Variants in LRP1B observed in about 807,000 individuals in gnomAD.
LRP1B encodes LDL receptor related protein 1B, also known as low-density lipoprotein receptor-related protein 1B.
A neutral mutation model predicts 556.6 loss-of-function variants in LRP1B; 217 were observed. The observed-to-expected ratio is 0.39, with a 90% CI of 0.35 to 0.44. The LOEUF is 0.44. LRP1B is among the 20% of genes least tolerant of loss of function. The probability of loss-of-function intolerance (pLI) is 1.00; values close to 1 mark genes in which losing one functional copy is unlikely to be tolerated. For missense variants in LRP1B, 5,053 were observed against 5,620.8 expected (o/e 0.90, Z 3.23); for synonymous variants, 2,047 against 1,865.8 (o/e 1.10, Z -2.50).
At chr2:140,575,739 A>G (rs922418382) in intron 43 of LRP1B, among the ~76,000 whole-genome samples, 6 of 152,010 alleles carry the variant, frequency 3.9e-5, no homozygotes, top group Admixed American at 3.3e-4. Flanking sequence ...ATCCTGGCCA[A>G]CATAGTGAAA....
chr2:140,824,759 C>A (rs1691447221), intron 31 of LRP1B, among the ~76,000 whole-genome samples: 1 of 152,048 alleles, frequency 6.6e-6, no homozygotes. Context: ...TCCAGGTCAC[C>A]AAGTACGCAC....
At chr2:141,346,292 C>T (rs1317559714) in intron 3 of LRP1B, among the ~76,000 whole-genome samples, 1 of 151,900 alleles carries the variant, frequency 6.6e-6, no homozygotes, top group Non-Finnish European at 1.5e-5. Context: ...AAAAAAGCAA[C>T]CCGTTGGGTG....
At chr2:140,767,295 T>C (rs1024755254) in intron 35 of LRP1B, among the ~76,000 whole-genome samples, 1 of 152,128 alleles carries the variant, frequency 6.6e-6, no homozygotes. Flanking sequence ...ATAGCTTTTC[T>C]GAAAATAACT....
chr2:141,286,412 A>C (rs968486995), intron 3 of LRP1B, among the ~76,000 whole-genome samples: 5 of 152,110 alleles, frequency 3.3e-5, no homozygotes, highest in Non-Finnish European at 7.4e-5. Flanking sequence ...TGCCATTGTT[A>C]CTATTATTAA....
chr2:140,765,602 C>G (rs1337728855), intron 35 of LRP1B, among the ~76,000 whole-genome samples: 1 of 152,034 alleles, frequency 6.6e-6, no homozygotes. Context: ...GATAAAAATT[C>G]TTTGAACATT....
At chr2:141,919,645 A>G (rs1021027157) in intron 1 of LRP1B, among the ~76,000 whole-genome samples, 4 of 152,186 alleles carry the variant, frequency 2.6e-5, no homozygotes, top group South Asian at 4.1e-4. Context: ...TCTCACAGCA[A>G]TATTTTTTAA....
intron 3 of LRP1B, among the ~76,000 whole-genome samples, chr2:141,310,361 G>A (rs1272815834): frequency 1.3e-5 from 2 of 152,056 alleles, no homozygotes; most frequent in Non-Finnish European, 2.9e-5. Context: ...GCTTCATTTT[G>A]TCCCCTTGCA....
chr2:141,658,876 A>C (rs1690110113), intron 2 of LRP1B, among the ~76,000 whole-genome samples: 1 of 152,092 alleles, frequency 6.6e-6, no homozygotes, highest in Admixed American at 6.6e-5. Flanking sequence ...GCATCACTAC[A>C]TGGGTCCAAA....
At chr2:140,668,128 T>A (rs1029947947) in intron 41 of LRP1B, among the ~76,000 whole-genome samples, 1 of 151,740 alleles carries the variant, frequency 6.6e-6, no homozygotes, top group African/African-American at 2.4e-5. Context: ...CTGGCTAACA[T>A]GGTGAAACCC....
chr2:142,071,518 G>A (rs931934898), intron 1 of LRP1B, among the ~76,000 whole-genome samples: 2 of 152,004 alleles, frequency 1.3e-5, no homozygotes, highest in Non-Finnish European at 2.9e-5. Flanking sequence ...ATAATATATA[G>A]TAATATGTGG....
chr2:141,926,822 A>G (rs938648339), intron 1 of LRP1B, among the ~76,000 whole-genome samples: 1 of 152,140 alleles, frequency 6.6e-6, no homozygotes, highest in Non-Finnish European at 1.5e-5. Flanking sequence ...AACGTTGTCA[A>G]TACAAAGAGT....
chr2:141,994,022 T>G (rs1163929077), intron 1 of LRP1B, among the ~76,000 whole-genome samples: 3 of 152,204 alleles, frequency 2.0e-5, no homozygotes, highest in African/African-American at 7.2e-5. Flanking sequence ...TGACAACTGA[T>G]TTGTTATAAG....
chr2:141,826,234 T>G (rs549331607), intron 1 of LRP1B, among the ~76,000 whole-genome samples: 8 of 151,460 alleles, frequency 5.3e-5, no homozygotes, highest in Non-Finnish European at 1.0e-4. Flanking sequence ...TATTGTTCTG[T>G]ATATTCCCAT....
intron 1 of LRP1B, among the ~76,000 whole-genome samples, chr2:141,959,997 T>C (rs1270807717): frequency 6.6e-6 from 1 of 151,856 alleles, no homozygotes; most frequent in Non-Finnish European, 1.5e-5. Flanking sequence ...CCCAAGAAAG[T>C]TGTTTTGCAG....
intron 41 of LRP1B, among the ~76,000 whole-genome samples, chr2:140,655,084 A>C (rs1292183927): frequency 6.6e-6 from 1 of 151,016 alleles, no homozygotes; most frequent in African/African-American, 2.4e-5. Flanking sequence ...TATGTGGCCT[A>C]TCTCTCTAAA....
At chr2:141,151,627 T>A (rs188867722) in intron 7 of LRP1B, among the ~76,000 whole-genome samples, 51 of 152,296 alleles carry the variant, frequency 3.3e-4, no homozygotes, top group African/African-American at 1.2e-3. Flanking sequence ...TTTTCAGTTC[T>A]GTGATTCAAT....
At chr2:140,753,760 T>A (rs540363898) in intron 35 of LRP1B, among the ~76,000 whole-genome samples, 1 of 151,916 alleles carries the variant, frequency 6.6e-6, no homozygotes, top group Non-Finnish European at 1.5e-5. Context: ...GAAACTGGGG[T>A]CCCCTTTACC....
chr2:141,931,016 G>T (rs1449084266), intron 1 of LRP1B, among the ~76,000 whole-genome samples: 1 of 151,860 alleles, frequency 6.6e-6, no homozygotes, highest in Admixed American at 6.6e-5. Context: ...TTTTCCCTTG[G>T]TGCTTACATG....
At chr2:141,731,965 A>G (rs1693290206) in intron 2 of LRP1B, among the ~76,000 whole-genome samples, 1 of 151,866 alleles carries the variant, frequency 6.6e-6, no homozygotes, top group African/African-American at 2.4e-5. Flanking sequence ...ATATGACACC[A>G]CTCTATCCCA....
Sources: gnomAD v4.1 joint callset for allele counts (sites outside exome capture counted in the v4.1 genomes callset) on GRCh38, gnomAD v4.1.1 for gene constraint, MANE v1.5 for transcripts, NCBI Gene and HGNC (gene_info 2026-07-23, HGNC 2026-07-21) for gene names.